PRELID2: variants seen among roughly 807,000 people sequenced by gnomAD.
PRELID2 encodes PRELI domain containing 2.
In PRELID2, 25 loss-of-function variants were observed where a neutral mutation model predicts 28.4. The observed-to-expected ratio is 0.88, with a 90% CI of 0.64 to 1.23. The LOEUF (loss-of-function observed/expected upper bound fraction) is 1.23, where lower values mean the gene tolerates loss of function less well. PRELID2 is among the 50% of genes most tolerant of loss of function. The pLI, the probability that PRELID2 is intolerant of heterozygous loss-of-function variation, is 0.00. For synonymous variants in PRELID2, 76 were observed against 71.6 expected (o/e 1.06, Z -0.31); for missense variants, 201 against 214.4 (o/e 0.94, Z 0.39).
At chr5:145,696,156 C>CTTTTTTTTTTTT (rs10591669) in intron 1 of PRELID2, among the ~76,000 whole-genome samples, 3 of 60,008 alleles carry the variant, frequency 5.0e-5, no homozygotes, top group Admixed American at 1.9e-4. Flanking sequence ...TAAATAATAG[C>CTTTTTTTTTTTT]TTTTTTTTTT....
chr5:145,554,927 A>G (rs1296276139), intron 1 of PRELID2, among the ~76,000 whole-genome samples: 4 of 152,236 alleles, frequency 2.6e-5, no homozygotes, highest in African/African-American at 9.6e-5. Context: ...AATTCAAGCA[A>G]TATAGAAGTT....
intron 5 of PRELID2, among the ~76,000 whole-genome samples, chr5:145,772,104 A>G (rs1758144207): frequency 6.6e-6 from 1 of 152,180 alleles, no homozygotes; most frequent in South Asian, 2.1e-4. Flanking sequence ...AACACCTAAT[A>G]ATAATCTAAA....
At chr5:145,659,973 C>T (rs1190825240) in intron 1 of PRELID2, among the ~76,000 whole-genome samples, 1 of 152,050 alleles carries the variant, frequency 6.6e-6, no homozygotes, top group African/African-American at 2.4e-5. Flanking sequence ...ATCATCACAG[C>T]TCTAATATTA....
At chr5:145,336,125 T>C in the PRELID2 span, among the ~76,000 whole-genome samples, 13 of 152,184 alleles carry the variant, frequency 8.5e-5, no homozygotes, top group Non-Finnish European at 1.8e-4. Context: ...GGGTTGTTTG[T>C]TTTTTTCTTG....
At chr5:145,323,172 C>T in the PRELID2 span, among the ~76,000 whole-genome samples, 1 of 149,540 alleles carries the variant, frequency 6.7e-6, no homozygotes, top group Admixed American at 6.6e-5. Context: ...ACAGCACCAG[C>T]AGAGGGGAAA....
At chr5:145,437,070 T>C in the PRELID2 span, 1 of 152,214 alleles carries the variant, frequency 6.6e-6, no homozygotes, top group Admixed American at 6.5e-5. Context: ...CTCCACATAA[T>C]AAATTCCCAA....
chr5:145,229,825 G>A, the PRELID2 span: 3 of 759,752 alleles, frequency 3.9e-6, no homozygotes, highest in Non-Finnish European at 7.2e-6. Flanking sequence ...GTCCGCCCCT[G>A]CATCGCCAAG....
At chr5:145,263,260 A>T in the PRELID2 span, among the ~76,000 whole-genome samples, 1 of 152,170 alleles carries the variant, frequency 6.6e-6, no homozygotes, top group African/African-American at 2.4e-5. Context: ...CACTCCACCA[A>T]CAGAACCAGA....
At chr5:145,615,065 T>A (rs1007043389) in intron 1 of PRELID2, among the ~76,000 whole-genome samples, 1 of 152,212 alleles carries the variant, frequency 6.6e-6, no homozygotes, top group Non-Finnish European at 1.5e-5. Flanking sequence ...TATTAGTAAT[T>A]GTTTTATGAA....
At chr5:145,229,138 T>A in the PRELID2 span, 375,753 of 1,188,740 alleles carry the variant, frequency 0.32, 64,282 homozygotes, top group African/African-American at 0.52. Flanking sequence ...GTCCAGCGGG[T>A]GGGGGCCAAG....
chr5:145,630,444 A>T (rs1180959868), intron 1 of PRELID2, among the ~76,000 whole-genome samples: 1 of 152,224 alleles, frequency 6.6e-6, no homozygotes, highest in Non-Finnish European at 1.5e-5. Context: ...AATTTGGTAC[A>T]TAAAAGGACA....
At chr5:145,413,479 G>A in the PRELID2 span, among the ~76,000 whole-genome samples, 1 of 152,152 alleles carries the variant, frequency 6.6e-6, no homozygotes, top group African/African-American at 2.4e-5. Flanking sequence ...CCACTACTGA[G>A]TATCTAAAAG....
At chr5:145,405,709 T>A in the PRELID2 span, among the ~76,000 whole-genome samples, 1 of 146,730 alleles carries the variant, frequency 6.8e-6, no homozygotes, top group Non-Finnish European at 1.5e-5. Context: ...GTTGTTTTTT[T>A]TTTTTTTTTT....
chr5:145,697,019 G>A (rs1327750969), intron 1 of PRELID2, among the ~76,000 whole-genome samples: 2 of 114,530 alleles, frequency 1.7e-5, no homozygotes, highest in African/African-American at 3.1e-5. Context: ...GTGGATGTAG[G>A]AAAGAGAGGA....
the PRELID2 span, among the ~76,000 whole-genome samples, chr5:145,357,685 A>G: frequency 6.6e-6 from 1 of 152,176 alleles, no homozygotes; most frequent in African/African-American, 2.4e-5. Context: ...TGGGGTTTTG[A>G]CTTTCTCCTG....
chr5:145,356,591 C>A, the PRELID2 span, among the ~76,000 whole-genome samples: 1 of 151,432 alleles, frequency 6.6e-6, no homozygotes, highest in Non-Finnish European at 1.5e-5. Flanking sequence ...GAATGGCTAC[C>A]CTTGCTTTTT....
intron 1 of PRELID2, among the ~76,000 whole-genome samples, chr5:145,692,436 A>G (rs1755169952): frequency 6.6e-6 from 1 of 152,086 alleles, no homozygotes; most frequent in Non-Finnish European, 1.5e-5. Context: ...TCTGAATATT[A>G]GCAAAGGGAA....
chr5:145,461,309 C>CT, the PRELID2 span, among the ~76,000 whole-genome samples: 2 of 146,214 alleles, frequency 1.4e-5, no homozygotes, highest in Admixed American at 7.0e-5. Context: ...ACTTCTTCTT[C>CT]TTTTTTTTTG....
chr5:145,286,235 T>C, the PRELID2 span, among the ~76,000 whole-genome samples: 1 of 152,006 alleles, frequency 6.6e-6, no homozygotes, highest in Non-Finnish European at 1.5e-5. Flanking sequence ...ACACCCAAGG[T>C]TGAAATGTTA....
Sources: allele counts gnomAD v4.1 joint callset (sites outside exome capture counted in the v4.1 genomes callset), GRCh38; gene constraint gnomAD v4.1.1; transcripts MANE v1.5; gene names NCBI Gene and HGNC (gene_info 2026-07-23, HGNC 2026-07-21).